The following FOXP2 variants were observed in gnomAD, a reference collection of about 807,000 sequenced individuals.
The protein encoded by FOXP2 is forkhead box protein P2.
A neutral mutation model predicts 115.8 loss-of-function variants in FOXP2; 12 were observed. That is an observed-to-expected ratio of 0.10 (90% CI 0.07 to 0.17). FOXP2 has a LOEUF of 0.17. FOXP2 is among the 10% of genes least tolerant of loss of function. The pLI, the probability that FOXP2 is intolerant of heterozygous loss-of-function variation, is 1.00. For missense variants in FOXP2, 629 were observed against 843.5 expected (o/e 0.75, Z 3.15); for synonymous variants, 328 against 297.7 (o/e 1.10, Z -1.05).
At chr7:114,196,958 G>A (rs1015844011) in intron 1 of FOXP2, among the ~76,000 whole-genome samples, 21 of 152,138 alleles carry the variant, frequency 1.4e-4, no homozygotes, top group Admixed American at 9.8e-4. Flanking sequence ...TTGAGAGGCC[G>A]AGGTGGAAGG....
At chr7:114,570,058 C>G (rs1801213271) in intron 3 of FOXP2, among the ~76,000 whole-genome samples, 1 of 151,856 alleles carries the variant, frequency 6.6e-6, no homozygotes. Flanking sequence ...ATCCTTTTGC[C>G]CTTCAGACAA....
At chr7:114,418,733 G>A (rs941564095) in intron 1 of FOXP2, among the ~76,000 whole-genome samples, 7 of 151,248 alleles carry the variant, frequency 4.6e-5, no homozygotes, top group South Asian at 2.1e-4. Context: ...CCTGTCGATC[G>A]CAAAGGATTC....
intron 2 of FOXP2, among the ~76,000 whole-genome samples, chr7:114,497,097 T>G (rs535258915): frequency 6.6e-6 from 1 of 152,180 alleles, no homozygotes; most frequent in Admixed American, 6.5e-5. Flanking sequence ...TCAAAGTTGA[T>G]AGGTAAATTT....
chr7:114,423,014 A>C (rs925554510), intron 1 of FOXP2, among the ~76,000 whole-genome samples: 1 of 151,730 alleles, frequency 6.6e-6, no homozygotes, highest in Non-Finnish European at 1.5e-5. Context: ...ACAGGGAGTC[A>C]TATACTAATT....
chr7:114,448,958 T>G (rs1794955758), intron 2 of FOXP2, among the ~76,000 whole-genome samples: 1 of 152,072 alleles, frequency 6.6e-6, no homozygotes, highest in South Asian at 2.1e-4. Context: ...GGGAAAATAT[T>G]ACAAATTGCA....
intron 3 of FOXP2, among the ~76,000 whole-genome samples, chr7:114,559,658 A>G (rs1245389379): frequency 2.6e-5 from 4 of 152,062 alleles, no homozygotes; most frequent in Non-Finnish European, 5.9e-5. Context: ...CAAGGCGGGC[A>G]GATCACGAGG....
intron 2 of FOXP2, among the ~76,000 whole-genome samples, chr7:114,303,932 A>T (rs1456122320): frequency 6.6e-6 from 1 of 152,126 alleles, no homozygotes; most frequent in Non-Finnish European, 1.5e-5. Flanking sequence ...TGCAGGCTTT[A>T]TACCTTTATG....
chr7:114,540,493 ATTAT>A (rs1381294709), intron 3 of FOXP2, among the ~76,000 whole-genome samples: 4 of 152,084 alleles, frequency 2.6e-5, no homozygotes, highest in Non-Finnish European at 4.4e-5. Flanking sequence ...AAATTGAGTG[ATTAT>A]TTATCATGTG....
At chr7:114,639,710 T>C (rs557835199) in intron 6 of FOXP2, among the ~76,000 whole-genome samples, 1 of 152,186 alleles carries the variant, frequency 6.6e-6, no homozygotes, top group Non-Finnish European at 1.5e-5. Flanking sequence ...GGAGCAAATG[T>C]TTGATACATT....
chr7:114,465,189 T>A (rs1795749197), intron 2 of FOXP2, among the ~76,000 whole-genome samples: 1 of 152,170 alleles, frequency 6.6e-6, no homozygotes. Context: ...GTTCTCAAAC[T>A]CCTGGGGTCA....
chr7:114,542,832 C>G (rs940405639), intron 3 of FOXP2, among the ~76,000 whole-genome samples: 1 of 150,680 alleles, frequency 6.6e-6, no homozygotes, highest in African/African-American at 2.4e-5. Context: ...ACTCTGTCAC[C>G]CAGGTTGTAG....
chr7:114,592,678 A>G (rs114134316), intron 3 of FOXP2, among the ~76,000 whole-genome samples: 2,402 of 152,154 alleles, frequency 0.016, 60 homozygotes, highest in African/African-American at 0.055. Flanking sequence ...TAAGGATTCT[A>G]CATTTAAGGA....
At chr7:114,328,008 C>A (rs1486073767) in intron 2 of FOXP2, among the ~76,000 whole-genome samples, 4 of 151,738 alleles carry the variant, frequency 2.6e-5, no homozygotes, top group Non-Finnish European at 5.9e-5. Flanking sequence ...GCAGCCTCAA[C>A]TTTCTGGGAT....
rs534390929 is a variant in FOXP2 at position 114,543,642 on chromosome 7, G to A, written c.258+8936G>A. On this transcript the variant is annotated intron_variant, in intron 3 of 16. Coordinates refer to ENST00000350908, the MANE Select transcript of FOXP2 (RefSeq NM_014491.4). ...AAATCCATATGAGTTTAGGAATTAG[G>A]TTATGTGTGTGAGAAGTCAGCAATC... 4.6e-5 allele frequency among the ~76,000 whole-genome samples: 7 copies of A among 152,298 alleles called. No individual in the cohort carries two copies. The East Asian group carries it at 9.6e-4, about 21-fold the overall frequency.
At chr7:114,220,365 G>T (rs552061849) in intron 1 of FOXP2, among the ~76,000 whole-genome samples, 1 of 152,130 alleles carries the variant, frequency 6.6e-6, no homozygotes, top group Non-Finnish European at 1.5e-5. Flanking sequence ...AACAGTTTCT[G>T]TTACTATATT....
chr7:114,463,484 G>A (rs978286099), intron 2 of FOXP2, among the ~76,000 whole-genome samples: 2 of 152,136 alleles, frequency 1.3e-5, no homozygotes, highest in African/African-American at 4.8e-5. Context: ...ATATAAATGG[G>A]TACATGTGGC....
intron 3 of FOXP2, among the ~76,000 whole-genome samples, chr7:114,589,603 T>TGGGG (rs1379442272): frequency 6.6e-6 from 1 of 152,212 alleles, no homozygotes; most frequent in African/African-American, 2.4e-5. Flanking sequence ...AGACTAATAA[T>TGGGG]GCACTTCTCA....
chr7:114,613,550 C>T (rs1289676195), intron 3 of FOXP2, among the ~76,000 whole-genome samples: 1 of 151,752 alleles, frequency 6.6e-6, no homozygotes, highest in Non-Finnish European at 1.5e-5. Flanking sequence ...TGGCAGGTGC[C>T]TGTAGTCCCA....
In FOXP2 at chr7:114,642,503, A is replaced by G; in HGVS notation, c.869A>G (p.Asp290Gly). Residue 290 changes from aspartate to glycine, a missense_variant, in exon 7 of 17, where the codon GAC becomes GGC. Physicochemically the swap from Asp to Gly is moderately conservative, Grantham distance 94. Around this residue, in one of 9 missense-constraint regions of FOXP2, gnomAD observed 92 missense variants for 80.1 expected, o/e 1.15. Coordinates refer to ENST00000350908, the MANE Select transcript of FOXP2 (RefSeq NM_014491.4). ...AATGGCATTAAACATGGAGGGCTAGACCTCACTACTAACAATTCCTCCTCG... is the reference window on the plus strand; with the variant it reads ...AATGGCATTAAACATGGAGGGCTAGGCCTCACTACTAACAATTCCTCCTCG... ...EDNGIKHGGLDLTTNNSSSTT... is the reference protein window; with the variant it reads ...EDNGIKHGGLGLTTNNSSSTT... 2 of 1,613,810 alleles carry G rather than the reference A, an allele frequency of 1.2e-6. No homozygotes were observed. Among genetic ancestry groups the G allele is most frequent in the Non-Finnish European group, 1.7e-6 (2 of 1,179,936 alleles).
Sources: allele counts gnomAD v4.1 joint callset (sites outside exome capture counted in the v4.1 genomes callset), GRCh38; gene constraint gnomAD v4.1.1; regional missense constraint gnomAD v4.1.1; transcripts MANE v1.5; gene names NCBI Gene and HGNC (gene_info 2026-07-23, HGNC 2026-07-21).